The following TUSC3 variants were observed in gnomAD, a reference collection of about 807,000 sequenced individuals.
The protein encoded by TUSC3 is dolichyl-diphosphooligosaccharide--protein glycosyltransferase subunit TUSC3.
Under a neutral mutation model 44.8 loss-of-function variants are expected in TUSC3, and 45 were observed. The ratio of observed to expected loss-of-function variants is 1.00; its 90% CI spans 0.79 to 1.29. The LOEUF (loss-of-function observed/expected upper bound fraction) is 1.29. TUSC3 is among the 50% of genes most tolerant of loss of function. The pLI, the probability that TUSC3 is intolerant of heterozygous loss-of-function variation, is 0.00. For missense variants in TUSC3, 519 were observed against 437.9 expected, an observed-to-expected ratio of 1.19 and a Z score of -1.65; for synonymous variants, 212 against 152.9, an observed-to-expected ratio of 1.39 and a Z score of -2.85.
the TUSC3 span, among the ~76,000 whole-genome samples, chr8:15,826,606 C>G: frequency 3.3e-5 from 5 of 152,044 alleles, no homozygotes; most frequent in Admixed American, 3.3e-4. Context: ...TAAAGTGCTG[C>G]TACCTTTTCT....
chr8:15,708,003 G>T (rs1809689604), intron 6 of TUSC3, among the ~76,000 whole-genome samples: 1 of 151,784 alleles, frequency 6.6e-6, no homozygotes, highest in Admixed American at 6.6e-5. Flanking sequence ...CCCTTCTTCT[G>T]TGCTTCTCTT....
intron 2 of TUSC3, among the ~76,000 whole-genome samples, chr8:15,502,972 T>C (rs1445621702): frequency 6.6e-6 from 1 of 152,190 alleles, no homozygotes; most frequent in Non-Finnish European, 1.5e-5. Context: ...AACCTTATGA[T>C]TTTAAAGGTA....
intron 1 of TUSC3, among the ~76,000 whole-genome samples, chr8:15,590,128 T>G (rs1803764561): frequency 6.6e-6 from 1 of 152,204 alleles, no homozygotes; most frequent in African/African-American, 2.4e-5. Flanking sequence ...AGGTGATAGA[T>G]GACATTTATG....
At chr8:15,703,631 G>C (rs895304849) in intron 6 of TUSC3, among the ~76,000 whole-genome samples, 3 of 152,130 alleles carry the variant, frequency 2.0e-5, no homozygotes, top group Non-Finnish European at 4.4e-5. Context: ...GCCTCAAGCT[G>C]CTTCCACTCA....
intron 2 of TUSC3, among the ~76,000 whole-genome samples, chr8:15,490,657 G>A (rs1441687968): frequency 6.6e-6 from 1 of 152,202 alleles, no homozygotes; most frequent in Non-Finnish European, 1.5e-5. Flanking sequence ...TGCCCTAAAA[G>A]AGATGCTGAT....
intron 2 of TUSC3, among the ~76,000 whole-genome samples, chr8:15,507,110 A>C (rs1220951781): frequency 6.6e-6 from 1 of 152,122 alleles, no homozygotes; most frequent in Non-Finnish European, 1.5e-5. Context: ...TGCCTTCTGT[A>C]AGTTGATTTT....
chr8:15,517,287 A>G (rs927105042), intron 2 of TUSC3, among the ~76,000 whole-genome samples: 4 of 152,174 alleles, frequency 2.6e-5, no homozygotes, highest in African/African-American at 7.2e-5. Context: ...GCCCATAGCT[A>G]AAATGAAAAC....
chr8:15,624,366 CTATT>C (rs1805395877), intron 2 of TUSC3, among the ~76,000 whole-genome samples: 1 of 152,110 alleles, frequency 6.6e-6, no homozygotes, highest in Admixed American at 6.5e-5. Flanking sequence ...GTGGTAGTTT[CTATT>C]TAGTTATATA....
At position 15,540,362 on chromosome 8, in the gene TUSC3, A is replaced by C; in HGVS notation, c.-69A>C. The stretch of plus-strand genomic sequence containing the variant: ...GCGGGCTCCCGGAGGCTGGCCGGGC[A>C]GGCGTGGTGCGCGGTAGGAGCTGGG... On this transcript the variant is annotated 5_prime_UTR_variant, in exon 1 of 11. Coordinates refer to ENST00000503731, the MANE Select transcript of TUSC3 (RefSeq NM_006765.4). The C allele has an allele frequency of 1.4e-6, 2 of 1,426,070 alleles. No homozygotes were observed. Among genetic ancestry groups the C allele is most frequent in the Non-Finnish European group, 1.8e-6 (2 of 1,085,566 alleles). The allele number at this position is 1,426,070 out of a possible 1,614,324, so 88.3% of individuals were successfully genotyped here.
intron 1 of TUSC3, among the ~76,000 whole-genome samples, chr8:15,465,550 C>T (rs933539871): frequency 7.9e-5 from 12 of 152,140 alleles, no homozygotes; most frequent in African/African-American, 2.9e-4. Context: ...TTTAAAAATA[C>T]ACCTTATATT....
At chr8:15,604,320 A>C (rs536880558) in intron 1 of TUSC3, among the ~76,000 whole-genome samples, 123 of 151,806 alleles carry the variant, frequency 8.1e-4, no homozygotes, top group African/African-American at 2.9e-3. Context: ...AAAGGAATTC[A>C]GAGGTACCTG....
chr8:15,448,117 A>ATATATATATATATATATATATATTTATT lies in TUSC3; in HGVS notation n.91+30815_91+30816insATATATATATATATATATATTTATTTAT, dbSNP rs1276079521. Reference sequence around the variant, plus strand: ...TATGGTAGTGTATATACATATATATATATTTATTTATTTATTTTTTAGATG... The same window carrying ATATATATATATATATATATATATTTATT: ...TATGGTAGTGTATATACATATATATATATATATATATATATATATATATTTATTTATTTATTTATTTATTTTTTAGATG... On this transcript the variant is annotated intron_variant and non_coding_transcript_variant, in intron 1 of 5. Transcript: ENST00000503191. 4.2e-3 allele frequency among the ~76,000 whole-genome samples: 395 copies of ATATATATATATATATATATATATTTATT among 93,718 alleles called. 9 individuals are homozygous for ATATATATATATATATATATATATTTATT. The highest frequency in any genetic ancestry group is 0.014 in the African/African-American group (329 of 23,964). The allele number at this position is 93,718 out of a possible 152,430, so 61.5% of individuals were successfully genotyped here. A position where few individuals can be genotyped will look rare whatever the true frequency, so the allele number is the denominator to read the frequency against.
rs778179783 is a variant in TUSC3, at chr8:15,757,802, TTGAGTGAGAAGA to T, written c.1043_*7del. On this transcript the variant is annotated stop_lost and 3_prime_UTR_variant, in exon 10 of 11. Transcript: ENST00000503731. ...GGTGTATTGGAAAGTGATCTGGACT[TTGAGTGAGAAGA>T]TGTGATTTGGACCATGGCACTTAAA... 9.7e-6 allele frequency: 14 copies of T among 1,441,062 alleles called. No homozygotes were observed. The highest frequency in any genetic ancestry group is 1.4e-5 in the Non-Finnish European group (14 of 1,022,532). 89.3% of individuals were successfully genotyped at this position (1,441,062 alleles called of 1,614,324 possible). A position where few individuals can be genotyped will look rare whatever the true frequency, so the allele number is the denominator to read the frequency against.
chr8:15,615,897 G>A lies in TUSC3; in HGVS notation c.139-7183G>A, dbSNP rs1040005645. On this transcript the variant is annotated intron_variant, in intron 1 of 10. Coordinates refer to ENST00000503731, the MANE Select transcript of TUSC3 (RefSeq NM_006765.4). ...ACATGTAGTTAGATAGAAGGAATAA[G>A]TTCCACAGTTCCGTGGCTTGAACTT... Among the ~76,000 whole-genome samples, 7 of 152,186 alleles carry A rather than the reference G, an allele frequency of 4.6e-5. No homozygotes were observed. The East Asian group carries it at 1.4e-3, about 29-fold the overall frequency.
chr8:15,788,933 G>A, the TUSC3 span, among the ~76,000 whole-genome samples: 1 of 152,172 alleles, frequency 6.6e-6, no homozygotes, highest in Non-Finnish European at 1.5e-5. Context: ...ATTGGCAGGT[G>A]TTAGATTATT....
chr8:15,827,673 G>T, the TUSC3 span, among the ~76,000 whole-genome samples: 2 of 152,150 alleles, frequency 1.3e-5, no homozygotes, highest in Admixed American at 1.3e-4. Flanking sequence ...TTTGGACACA[G>T]ATGTTTTATA....
At chr8:15,461,764 G>GA (rs1185655510) in intron 1 of TUSC3, among the ~76,000 whole-genome samples, 2 of 150,432 alleles carry the variant, frequency 1.3e-5, no homozygotes, top group African/African-American at 4.9e-5. Context: ...AGAAAAAAAA[G>GA]AAAAAATGAA....
At chr8:15,623,299 T>C (rs1483223877) in intron 2 of TUSC3, 50 bp downstream of exon 2, 1 of 1,468,434 alleles carries the variant, frequency 6.8e-7, no homozygotes, top group Admixed American at 2.3e-5. Flanking sequence ...TTGGTTTACA[T>C]ATATATTTTT....
At chr8:15,497,993 C>T (rs1320349472) in intron 2 of TUSC3, among the ~76,000 whole-genome samples, 1 of 152,072 alleles carries the variant, frequency 6.6e-6, no homozygotes, top group East Asian at 1.9e-4. Context: ...AAATGATCCG[C>T]CCCCCTTCGG....
Sources: allele counts gnomAD v4.1 joint callset (sites outside exome capture counted in the v4.1 genomes callset), GRCh38; gene constraint gnomAD v4.1.1; transcripts MANE v1.5; gene names NCBI Gene and HGNC (gene_info 2026-07-23, HGNC 2026-07-21).